Variants in CEP63 observed in about 807,000 individuals in gnomAD.
The protein encoded by CEP63 is centrosomal protein 63.
In CEP63, 84 loss-of-function variants were observed where a neutral mutation model predicts 89.1. The ratio of observed to expected loss-of-function variants is 0.94; its 90% CI spans 0.79 to 1.13. CEP63 has a LOEUF of 1.13. Ranked by LOEUF, CEP63 falls within the 50% of genes most tolerant of loss-of-function variation. The probability of loss-of-function intolerance (pLI) is 0.00; values close to 1 mark genes in which losing one functional copy is unlikely to be tolerated. For missense variants in CEP63, 838 were observed against 813.3 expected (o/e 1.03, Z -0.37); for synonymous variants, 267 against 272.5 (o/e 0.98, Z 0.20).
At chr3:134,620,724 C>G in the CEP63 span, 24 of 1,551,856 alleles carry the variant, frequency 1.5e-5, no homozygotes, top group South Asian at 2.6e-4. Context: ...GATTCTAGAG[C>G]CAGAAATTCC....
At position 134,563,595 on chromosome 3, in the gene CEP63, G is replaced by A. The variant is rs1957537670; in HGVS notation, c.*2060G>A. The stretch of plus-strand genomic sequence containing the variant: ...ATGCCACCAGGCCCAGCTAATTTTT[G>A]TATTTTTAGTAGGAACAGGGTTTCA... On this transcript the variant is annotated 3_prime_UTR_variant, in exon 15 of 15. Coordinates refer to ENST00000675561, the MANE Select transcript of CEP63 (RefSeq NM_001353108.3). 1 of 152,054 alleles carries A rather than the reference G, an allele frequency of 6.6e-6. No individual in the cohort carries two copies. Among genetic ancestry groups the A allele is most frequent in the Non-Finnish European group, 1.5e-5 (1 of 68,040 alleles). The allele number at this position is 152,054 out of a possible 1,614,324, so 9.4% of individuals were successfully genotyped here.
chr3:134,699,633 C>G, the CEP63 span, among the ~76,000 whole-genome samples: 3 of 152,200 alleles, frequency 2.0e-5, no homozygotes, highest in African/African-American at 4.8e-5. Context: ...GCCTTGTCGT[C>G]CTCACGGTTC....
At chr3:134,750,216 G>A in the CEP63 span, among the ~76,000 whole-genome samples, 31 of 152,338 alleles carry the variant, frequency 2.0e-4, no homozygotes, top group African/African-American at 6.7e-4. Flanking sequence ...CAGGCCAGGT[G>A]TTGAGCAAGG....
chr3:134,651,982 G>A, the CEP63 span, among the ~76,000 whole-genome samples: 3 of 152,132 alleles, frequency 2.0e-5, no homozygotes, highest in Non-Finnish European at 4.4e-5. Flanking sequence ...CCCACATGGA[G>A]GCCTTTGCTC....
the CEP63 span, among the ~76,000 whole-genome samples, chr3:134,691,730 A>G: frequency 1.3e-5 from 2 of 152,172 alleles, no homozygotes; most frequent in Non-Finnish European, 2.9e-5. Context: ...AGTAAAGAGA[A>G]TGGCATTCTT....
chr3:134,594,613 C>G, the CEP63 span, among the ~76,000 whole-genome samples: 1 of 152,114 alleles, frequency 6.6e-6, no homozygotes, highest in Non-Finnish European at 1.5e-5. Context: ...TATACATTTC[C>G]CACAGGGGCA....
intron 2 of CEP63, among the ~76,000 whole-genome samples, chr3:134,498,167 T>C (rs1177517606): frequency 2.6e-5 from 4 of 152,192 alleles, no homozygotes; most frequent in Non-Finnish European, 4.4e-5. Context: ...ATATAATCAT[T>C]TGAATATATT....
chr3:134,629,509 C>T, the CEP63 span: 1 of 767,236 alleles, frequency 1.3e-6, no homozygotes, highest in Non-Finnish European at 2.2e-6. Flanking sequence ...TTTGCAGGCC[C>T]ATGTCACTCT....
chr3:134,546,935 T>G (rs905763268), intron 8 of CEP63, among the ~76,000 whole-genome samples: 1 of 152,202 alleles, frequency 6.6e-6, no homozygotes, highest in Admixed American at 6.5e-5. Context: ...TAAGTTGTGA[T>G]TAGTAGCTGC....
the CEP63 span, among the ~76,000 whole-genome samples, chr3:134,691,975 G>T: frequency 6.4e-3 from 981 of 152,264 alleles, 1 homozygote; most frequent in Non-Finnish European, 9.7e-3. Flanking sequence ...CTCCCAAAGT[G>T]CTGGGATTAC....
chr3:134,521,873 T>C (rs1947538985), intron 3 of CEP63, among the ~76,000 whole-genome samples: 1 of 152,150 alleles, frequency 6.6e-6, no homozygotes, highest in Non-Finnish European at 1.5e-5. Flanking sequence ...TTAGTGTTTT[T>C]TCAGAATCAT....
the CEP63 span, among the ~76,000 whole-genome samples, chr3:134,694,026 C>T: frequency 6.6e-6 from 1 of 152,224 alleles, no homozygotes; most frequent in East Asian, 1.9e-4. Context: ...TGCTCCTGGC[C>T]AAGGCCCTGA....
the CEP63 span, among the ~76,000 whole-genome samples, chr3:134,741,307 G>T: frequency 2.0e-5 from 3 of 152,204 alleles, no homozygotes; most frequent in Admixed American, 1.3e-4. Flanking sequence ...TTTACACTCA[G>T]TTCTTGAGCA....
At chr3:134,643,203 G>A in the CEP63 span, 1 of 953,798 alleles carries the variant, frequency 1.0e-6, no homozygotes, top group South Asian at 1.5e-5. Flanking sequence ...TGGGAGCAGA[G>A]AGGACCCTGC....
the CEP63 span, chr3:134,615,193 C>G: frequency 3.3e-5 from 5 of 152,452 alleles, no homozygotes; most frequent in African/African-American, 1.2e-4. Context: ...GGGCCCCATG[C>G]AGAACCTCAT....
chr3:134,531,241 T>C (rs1432847145), intron 3 of CEP63, among the ~76,000 whole-genome samples: 1 of 152,216 alleles, frequency 6.6e-6, no homozygotes, highest in African/African-American at 2.4e-5. Flanking sequence ...TATTTCTTAT[T>C]TTCATGAGTT....
chr3:134,559,296 G>C lies in CEP63; in HGVS notation c.1820G>C (p.Ser607Thr). 1 of 1,614,152 alleles carries C rather than the reference G, an allele frequency of 6.2e-7. No individual in the cohort carries two copies. Among genetic ancestry groups the C allele is most frequent in the Non-Finnish European group, 8.5e-7 (1 of 1,180,024 alleles). Reference protein sequence around the residue: ...SPLSPQISPCSSTRSLTSYSL... With the variant: ...SPLSPQISPCTSTRSLTSYSL... ...CTGAGTCCTCAAATCAGCCCTTGCA[G>C]CTCCACCAGGTCTTTGACTTCCTAC... is the stretch of plus-strand genomic sequence containing the variant. Residue 607 changes from serine (S) to threonine (T), a missense_variant, in exon 14 of 15, where the codon AGC (serine) becomes ACC (threonine). By Grantham distance (58) the Ser-to-Thr change is moderately conservative. Coordinates refer to ENST00000675561, the MANE Select transcript of CEP63 (RefSeq NM_001353108.3).
chr3:134,495,926 T>G (rs1576738697), intron 2 of CEP63, among the ~76,000 whole-genome samples: 1 of 152,344 alleles, frequency 6.6e-6, no homozygotes, highest in East Asian at 1.9e-4. Context: ...GGCTGAATAG[T>G]ATTCCATGAT....
chr3:134,645,685 C>T, the CEP63 span, among the ~76,000 whole-genome samples: 1 of 152,156 alleles, frequency 6.6e-6, no homozygotes, highest in Non-Finnish European at 1.5e-5. Flanking sequence ...GGCTCAGGGC[C>T]TCTGTGGAGC....
Sources: gnomAD v4.1 joint callset for allele counts (sites outside exome capture counted in the v4.1 genomes callset) on GRCh38, gnomAD v4.1.1 for gene constraint, MANE v1.5 for transcripts, NCBI Gene and HGNC (gene_info 2026-07-23, HGNC 2026-07-21) for gene names.